The following THRB variants were observed in gnomAD, a reference collection of about 807,000 sequenced individuals.
THRB encodes nuclear receptor subfamily 1 group A member 2.
A neutral mutation model predicts 47.8 loss-of-function variants in THRB; 12 were observed. The ratio of observed to expected loss-of-function variants is 0.25; its 90% confidence interval spans 0.16 to 0.41. The LOEUF (loss-of-function observed/expected upper bound fraction) is 0.41. Among genes scored for constraint, THRB ranks in the 10% least tolerant of loss-of-function variants. The pLI is 1.00. For synonymous variants in THRB, 218 were observed against 212.2 expected, an observed-to-expected ratio of 1.03 and a Z score of -0.24; for missense variants, 348 against 589.2, an observed-to-expected ratio of 0.59 and a Z score of 4.24.
intron 1 of THRB, among the ~76,000 whole-genome samples, chr3:24,428,272 C>A (rs1463753362): frequency 6.6e-6 from 1 of 152,020 alleles, no homozygotes; most frequent in Non-Finnish European, 1.5e-5. Flanking sequence ...TTAAGCTAAG[C>A]ACTGAACATT....
chr3:24,452,223 A>G (rs567774796), intron 1 of THRB, among the ~76,000 whole-genome samples: 2 of 152,276 alleles, frequency 1.3e-5, no homozygotes, highest in East Asian at 1.9e-4. Flanking sequence ...TTATTTTACC[A>G]TGGGTATTTG....
At chr3:24,197,746 G>A (rs2044124880) in intron 4 of THRB, among the ~76,000 whole-genome samples, 2 of 152,356 alleles carry the variant, frequency 1.3e-5, no homozygotes, top group South Asian at 4.1e-4. Flanking sequence ...GCAAGGCAGA[G>A]TCAGCCATAA....
chr3:24,257,158 C>T (rs1256898653), intron 3 of THRB, among the ~76,000 whole-genome samples: 5 of 152,112 alleles, frequency 3.3e-5, no homozygotes, highest in East Asian at 1.9e-4. Flanking sequence ...TAAACATTCA[C>T]GATGTCCTCA....
At chr3:24,202,296 T>G (rs1286935481) in intron 4 of THRB, among the ~76,000 whole-genome samples, 3 of 152,218 alleles carry the variant, frequency 2.0e-5, no homozygotes, top group Non-Finnish European at 2.9e-5. Flanking sequence ...GTTTTTGGTA[T>G]ACAACAAAAA....
intron 5 of THRB, among the ~76,000 whole-genome samples, chr3:24,157,925 C>G: frequency 6.6e-6 from 1 of 152,168 alleles, no homozygotes; most frequent in Non-Finnish European, 1.5e-5. Flanking sequence ...CCTGTACATT[C>G]AGATCCTTAA....
chr3:24,330,133 G>A (rs1420517725), intron 2 of THRB, among the ~76,000 whole-genome samples: 1 of 151,104 alleles, frequency 6.6e-6, no homozygotes, highest in Non-Finnish European at 1.5e-5. Context: ...GTGAAACCCC[G>A]TCTCTACTAA....
chr3:24,475,482 T>C (rs76453049), intron 1 of THRB, among the ~76,000 whole-genome samples: 2,055 of 152,244 alleles, frequency 0.013, 48 homozygotes, highest in African/African-American at 0.045. Context: ...GTATAATTTG[T>C]GTATGTGTGT....
At chr3:24,239,541 T>C (rs924117662) in intron 3 of THRB, among the ~76,000 whole-genome samples, 8 of 152,124 alleles carry the variant, frequency 5.3e-5, no homozygotes, top group Non-Finnish European at 8.8e-5. Context: ...CTCGGACTAC[T>C]GGTCTTAAGC....
intron 3 of THRB, among the ~76,000 whole-genome samples, chr3:24,243,536 T>A (rs1229764599): frequency 2.0e-5 from 3 of 151,886 alleles, no homozygotes; most frequent in South Asian, 4.2e-4. Flanking sequence ...CTCCCTCACC[T>A]CCATTAAGGG....
At chr3:24,353,783 T>G (rs970367151) in intron 1 of THRB, among the ~76,000 whole-genome samples, 5 of 152,150 alleles carry the variant, frequency 3.3e-5, no homozygotes, top group African/African-American at 1.2e-4. Context: ...GGTTTGTTTT[T>G]TATCTCTTAA....
At chr3:24,332,953 C>T (rs985695557) in intron 2 of THRB, among the ~76,000 whole-genome samples, 3 of 152,002 alleles carry the variant, frequency 2.0e-5, no homozygotes, top group Non-Finnish European at 2.9e-5. Context: ...GGCGTGGTGG[C>T]GGGTGCCTAT....
chr3:24,470,842 C>G lies in THRB; in HGVS notation c.-261+23810G>C, dbSNP rs112973658. Among the ~76,000 whole-genome samples, 373 of 152,324 alleles carry G rather than the reference C, an allele frequency of 2.4e-3. 1 individual carries two copies. The highest frequency in any genetic ancestry group is 8.1e-3 in the African/African-American group (336 of 41,580). ...ATGTTGGCCAGGCTGGTCTCGAACT[C>G]CTGACCTCAAGTGATCAGCCTGCCT... On this transcript the variant is annotated intron_variant, in intron 1 of 10. Transcript: ENST00000646209.
intron 1 of THRB, among the ~76,000 whole-genome samples, chr3:24,366,186 A>G (rs1426423762): frequency 1.3e-5 from 2 of 152,202 alleles, no homozygotes; most frequent in African/African-American, 4.8e-5. Context: ...AGTAGAGTAT[A>G]CACATATGTC....
intron 1 of THRB, among the ~76,000 whole-genome samples, chr3:24,399,965 A>T (rs2067268643): frequency 6.6e-6 from 1 of 152,122 alleles, no homozygotes; most frequent in Non-Finnish European, 1.5e-5. Flanking sequence ...CTTCTGCTCA[A>T]AGAATAAAAT....
intron 1 of THRB, among the ~76,000 whole-genome samples, chr3:24,463,008 C>T (rs184855482): frequency 6.6e-6 from 1 of 152,150 alleles, no homozygotes. Flanking sequence ...TGGCTTCCCT[C>T]CTGGACAGAG....
chr3:24,314,507 G>A (rs2057978832), intron 2 of THRB, among the ~76,000 whole-genome samples: 1 of 152,136 alleles, frequency 6.6e-6, no homozygotes, highest in African/African-American at 2.4e-5. Flanking sequence ...TATTTTCTGA[G>A]GAGAGGTCTT....
intron 1 of THRB, among the ~76,000 whole-genome samples, chr3:24,361,909 T>C (rs1222067256): frequency 6.6e-6 from 1 of 152,140 alleles, no homozygotes; most frequent in African/African-American, 2.4e-5. Context: ...CACCCAATAC[T>C]ACTTGCCCAT....
intron 1 of THRB, among the ~76,000 whole-genome samples, chr3:24,448,419 G>C (rs2072315828): frequency 6.6e-6 from 1 of 152,180 alleles, no homozygotes; most frequent in Non-Finnish European, 1.5e-5. Flanking sequence ...AATGTACAAT[G>C]TTGGTAATTA....
chr3:24,197,058 T>C (rs918443002), intron 4 of THRB, among the ~76,000 whole-genome samples: 1 of 152,242 alleles, frequency 6.6e-6, no homozygotes, highest in Non-Finnish European at 1.5e-5. Flanking sequence ...ACACTCATAG[T>C]GGCTAGCACA....
Sources: allele counts gnomAD v4.1 joint callset (sites outside exome capture counted in the v4.1 genomes callset), GRCh38; gene constraint gnomAD v4.1.1; transcripts MANE v1.5; gene names NCBI Gene and HGNC (gene_info 2026-07-23, HGNC 2026-07-21).